The following ACOX1 variants were observed in gnomAD, a reference collection of about 807,000 sequenced individuals.
The protein encoded by ACOX1 is acyl-CoA oxidase 1.
ACOX1 carries 41 observed loss-of-function variants against 75.5 expected under a neutral mutation model. That is an observed-to-expected ratio of 0.54 (90% confidence interval 0.42 to 0.70). The LOEUF (loss-of-function observed/expected upper bound fraction) is 0.70, where lower values mean the gene tolerates loss of function less well. Ranked by LOEUF, ACOX1 falls within the 30% of genes least tolerant of loss-of-function variation. The probability of loss-of-function intolerance (pLI) is 0.00; values close to 1 mark genes in which losing one functional copy is unlikely to be tolerated. For missense variants in ACOX1, 630 were observed against 837.5 expected, an observed-to-expected ratio of 0.75 and a Z score of 3.06; for synonymous variants, 303 against 298.8, an observed-to-expected ratio of 1.01 and a Z score of -0.15.
At chr17:75,952,908 C>G (rs1433254506) in intron 7 of ACOX1, among the ~76,000 whole-genome samples, 1 of 151,926 alleles carries the variant, frequency 6.6e-6, no homozygotes, top group Non-Finnish European at 1.5e-5. Flanking sequence ...CTCCTAGGCT[C>G]AAGTAATCTT....
chr17:75,947,647 G>A (rs2065733703), intron 13 of ACOX1, among the ~76,000 whole-genome samples: 1 of 151,886 alleles, frequency 6.6e-6, no homozygotes, highest in Non-Finnish European at 1.5e-5. Flanking sequence ...GTGTACCAAA[G>A]AGCACTACGG....
intron 13 of ACOX1, 22 bp downstream of exon 13, chr17:75,948,229 T>G: frequency 6.2e-7 from 1 of 1,611,642 alleles, no homozygotes; most frequent in Non-Finnish European, 8.5e-7. Flanking sequence ...TTTAAAAAGG[T>G]GCAGAGACAC....
chr17:75,948,349 G>A lies in ACOX1; in HGVS notation c.1837C>T (p.Gln613Ter), dbSNP rs1417833433. Residue 613 changes from glutamine to a stop codon, truncating the protein, a stop_gained, in exon 13 of 14, where the codon CAG becomes TAG. Coordinates refer to ENST00000293217, the MANE Select transcript of ACOX1 (RefSeq NM_004035.7). LOFTEE classifies it high-confidence loss of function. The stretch of plus-strand genomic sequence containing the variant: ...AGCACAGAGCCAAGTGTCACATCCT[G>A]AAAATCAAATGCATCAACCAAAGCA... ...AVALVDAFDF[Q>*]DVTLGSVLGR... is the part of the protein sequence containing the mutation. 6.2e-7 allele frequency: 1 copy of A among 1,613,986 alleles called. No homozygotes were observed. Among genetic ancestry groups the A allele is most frequent in the African/African-American group, 1.3e-5 (1 of 74,888 alleles).
rs1215946589 is a variant in ACOX1 at position 75,951,472 on chromosome 17, C to G, written c.1050G>C (p.Glu350Asp). Residue 350 changes from glutamate to aspartate, a missense_variant, in exon 8 of 14, where the codon GAG (glutamate) becomes GAC (aspartate). Physicochemically the swap from Glu to Asp is conservative, Grantham distance 45 (BLOSUM62 2). Transcript: ENST00000293217. ...AFQFVGAYMK[E>D]TYHRINEGIG... ...TGCCTTCGTTAATCCGGTGATAGGT[C>G]TCCTTCATGTATGCGCCCACAAACT... 1 of 1,614,064 alleles carries G rather than the reference C, an allele frequency of 6.2e-7. No homozygotes were observed. The highest frequency in any genetic ancestry group is 1.1e-5 in the South Asian group (1 of 91,084).
Position 75,955,697 on chromosome 17 carries a change from G to A in ACOX1, c.659-16C>T. 6.2e-7 allele frequency: 1 copy of A among 1,612,382 alleles called. No homozygotes were observed. The highest frequency in any genetic ancestry group is 8.5e-7 in the Non-Finnish European group (1 of 1,178,454). On this transcript the variant is annotated splice_polypyrimidine_tract_variant and intron_variant, in intron 5 of 13. Transcript: ENST00000293217. ...ACGGTAATTCCTACCACAGATGAAA[G>A]GACAGTCACGAGATGTTTATGCTCT...
chr17:75,975,066 A>AG (rs1294717671), intron 2 of ACOX1, among the ~76,000 whole-genome samples: 12 of 151,056 alleles, frequency 7.9e-5, no homozygotes, highest in South Asian at 2.1e-4. Flanking sequence ...AAAAAAAAAA[A>AG]AAAAAAAGAA....
In ACOX1 at chr17:75,961,256, G is replaced by A. The variant is rs543289224; in HGVS notation, c.270-881C>T. 2.0e-5 allele frequency among the ~76,000 whole-genome samples: 3 copies of A among 147,492 alleles called. No homozygotes were observed. The South Asian group carries it at 6.4e-4, about 31-fold the overall frequency. ...TGCAGTGAGCTAAGATAACACCACT[G>A]CATTCTAGCCTGGGCGACACAGTGA... On this transcript the variant is annotated intron_variant, in intron 2 of 13. Transcript: ENST00000293217.
rs1312284698 is a variant in ACOX1 at position 75,941,904 on chromosome 17, AAC to A, written c.*4842_*4843del. 6.6e-6 allele frequency: 1 copy of A among 152,172 alleles called. No individual in the cohort carries two copies. The highest frequency in any genetic ancestry group is 1.5e-5 in the Non-Finnish European group (1 of 68,044). The allele number at this position is 152,172 out of a possible 1,614,324, so 9.4% of individuals were successfully genotyped here. A position where few individuals can be genotyped will look rare whatever the true frequency, so the allele number is the denominator to read the frequency against. On this transcript the variant is annotated 3_prime_UTR_variant, in exon 14 of 14. Transcript: ENST00000293217. Reference sequence around the variant, plus strand: ...GTGGAAGATCACACATTTACTAAGAAACACTCAAAACATATTTTGGTTCAGAA... The same window carrying A: ...GTGGAAGATCACACATTTACTAAGAAACTCAAAACATATTTTGGTTCAGAA...
chr17:75,973,537 G>A (rs1313167886), intron 2 of ACOX1: 1 of 1,357,254 alleles, frequency 7.4e-7, no homozygotes, highest in South Asian at 1.2e-5. Flanking sequence ...TCCCAAACAG[G>A]TAGCAGCAGA....
chr17:75,954,645 T>C (rs1274605288), intron 6 of ACOX1, among the ~76,000 whole-genome samples: 6 of 144,350 alleles, frequency 4.2e-5, no homozygotes, highest in Non-Finnish European at 9.1e-5. Flanking sequence ...GATCTCGACT[T>C]ACTGCAACCT....
chr17:75,950,681 T>C lies in ACOX1; in HGVS notation c.1298+93A>G. ...TACCTTTCAGGAACAAATATATATA[T>C]ACGGTGAAGAAAAACCATGGGAACA... is the stretch of plus-strand genomic sequence containing the variant. On this transcript the variant is annotated intron_variant, in intron 9 of 13. Coordinates refer to ENST00000293217, the MANE Select transcript of ACOX1 (RefSeq NM_004035.7). The surrounding 1 kb of genome is among the most constrained non-coding windows in gnomAD (Gnocchi z 4.3). 7.4e-7 allele frequency: 1 copy of C among 1,355,710 alleles called. No individual in the cohort carries two copies. Among genetic ancestry groups the C allele is most frequent in the East Asian group, 2.3e-5 (1 of 43,294 alleles). The allele number at this position is 1,355,710 out of a possible 1,614,324, so 84.0% of individuals were successfully genotyped here. A position where few individuals can be genotyped will look rare whatever the true frequency, so the allele number is the denominator to read the frequency against.
chr17:75,957,640 C>T (rs2065846050), intron 3 of ACOX1, 74 bp from the exon 4 acceptor site: 3 of 1,169,686 alleles, frequency 2.6e-6, no homozygotes, highest in Non-Finnish European at 3.8e-6. Flanking sequence ...ATTTCCTGCA[C>T]AGTCCTTTAA....
At chr17:75,961,634 T>G (rs2065889285) in intron 2 of ACOX1, among the ~76,000 whole-genome samples, 1 of 151,778 alleles carries the variant, frequency 6.6e-6, no homozygotes, top group East Asian at 1.9e-4. Context: ...CCAGGTGTGG[T>G]GGCACATGCC....
intron 4 of ACOX1, among the ~76,000 whole-genome samples, chr17:75,956,918 T>C (rs1340365824): frequency 4.4e-4 from 18 of 40,654 alleles, no homozygotes; most frequent in Admixed American, 7.5e-4. Flanking sequence ...TTCCTCTCTC[T>C]CTCTCTCTCT....
At chr17:75,958,283 GTGGAGGT>G (rs1181519130) in intron 3 of ACOX1, among the ~76,000 whole-genome samples, 2 of 149,808 alleles carry the variant, frequency 1.3e-5, no homozygotes, top group East Asian at 3.9e-4. Context: ...AACCCGGGAG[GTGGAGGT>G]TGCAGTGAGC....
chr17:75,941,519 T>C lies in ACOX1; in HGVS notation c.*5229A>G, dbSNP rs1018612964. Reference sequence around the variant, plus strand: ...AGATTAAGTCACATTTTTTCTAGTATGTGCTAATTATGAATTTTATTAAGG... The same window carrying C: ...AGATTAAGTCACATTTTTTCTAGTACGTGCTAATTATGAATTTTATTAAGG... On this transcript the variant is annotated 3_prime_UTR_variant, in exon 14 of 14. Transcript: ENST00000293217. 6.6e-6 allele frequency: 1 copy of C among 152,244 alleles called. No homozygotes were observed. Among genetic ancestry groups the C allele is most frequent in the African/African-American group, 2.4e-5 (1 of 41,468 alleles). The allele number at this position is 152,244 out of a possible 1,614,324, so 9.4% of individuals were successfully genotyped here.
chr17:75,956,648 A>G (rs1176042916), intron 4 of ACOX1, among the ~76,000 whole-genome samples: 1 of 151,218 alleles, frequency 6.6e-6, no homozygotes, highest in African/African-American at 2.4e-5. Context: ...AGATCACACC[A>G]CTGTACTCCA....
chr17:75,953,661 C>T (rs1427049067), intron 6 of ACOX1, 41 bp from the exon 7 acceptor site: 5 of 1,611,244 alleles, frequency 3.1e-6, no homozygotes, highest in Middle Eastern at 1.7e-4. Context: ...TTCTTTTAAG[C>T]CCAAGAGGCA....
At chr17:75,973,557 A>G (rs1321768228) in intron 2 of ACOX1, 8 of 1,557,490 alleles carry the variant, frequency 5.1e-6, no homozygotes, top group Non-Finnish European at 7.1e-6. Context: ...AAAAAAGTCA[A>G]ATGCCAGCAA....
Sources: gnomAD v4.1 joint callset for allele counts (sites outside exome capture counted in the v4.1 genomes callset) on GRCh38, gnomAD v4.1.1 for gene constraint, Gnocchi (gnomAD v3.1) non-coding constraint, MANE v1.5 for transcripts, NCBI Gene and HGNC (gene_info 2026-07-23, HGNC 2026-07-21) for gene names.